Variants in PM20D2 observed in about 807,000 individuals in gnomAD.
PM20D2 encodes the protein peptidase M20 domain containing 2.
PM20D2 carries 33 observed loss-of-function variants against 42.9 expected under a neutral mutation model. That is an observed-to-expected ratio of 0.77 (90% CI 0.58 to 1.03). The LOEUF (loss-of-function observed/expected upper bound fraction) is 1.03. PM20D2 is among the 50% of genes least tolerant of loss of function. PM20D2 has a pLI of 0.00. For missense variants in PM20D2, 548 were observed against 557.0 expected (o/e 0.98, Z 0.16); for synonymous variants, 250 against 228.2 (o/e 1.10, Z -0.86).
the PM20D2 span, among the ~76,000 whole-genome samples, chr6:89,104,154 T>C: frequency 6.6e-6 from 1 of 151,868 alleles, no homozygotes. Flanking sequence ...CATTTAAACA[T>C]TTTTAAAGTT....
chr6:89,116,966 G>A, the PM20D2 span, among the ~76,000 whole-genome samples: 1 of 151,112 alleles, frequency 6.6e-6, no homozygotes, highest in Non-Finnish European at 1.5e-5. Context: ...GTACTGCATA[G>A]GTAGAAAGGC....
intron 5 of PM20D2, among the ~76,000 whole-genome samples, chr6:89,159,991 G>T (rs574036883): frequency 6.6e-6 from 1 of 152,190 alleles, no homozygotes; most frequent in East Asian, 1.9e-4. Flanking sequence ...TGTGATTTTG[G>T]TATGATTTGT....
At chr6:89,140,761 A>G in the PM20D2 span, among the ~76,000 whole-genome samples, 978 of 152,284 alleles carry the variant, frequency 6.4e-3, 11 homozygotes, top group East Asian at 0.053. Flanking sequence ...AGAGCAGCTA[A>G]TCTCACTGCC....
chr6:89,102,592 A>T, the PM20D2 span, among the ~76,000 whole-genome samples: 4 of 152,224 alleles, frequency 2.6e-5, no homozygotes, highest in African/African-American at 9.6e-5. Context: ...AAATCCTAAC[A>T]TAGTAAAAGA....
chr6:89,158,350 A>G lies in PM20D2; in HGVS notation c.938A>G (p.Asp313Gly). Residue 313 changes from aspartate (D) to glycine (G), a missense_variant, in exon 5 of 7, where the codon GAT becomes GGT. Asp to Gly is a moderately conservative substitution (Grantham distance 94). Around this residue, in one of 3 missense-constraint regions of PM20D2, gnomAD observed 470 missense variants for 464.4 expected, o/e 1.01. Transcript: ENST00000275072. ...CTVEIKGGAHDYYNVLPNKSL... is the reference protein window; with the variant it reads ...CTVEIKGGAHGYYNVLPNKSL... ...GTGGAAATTAAAGGTGGAGCACATG[A>G]TTATTACAATGTTCTTCCCAATAAG... 1 of 1,596,742 alleles carries G rather than the reference A, an allele frequency of 6.3e-7. No individual in the cohort carries two copies. The highest frequency in any genetic ancestry group is 2.2e-5 in the East Asian group (1 of 44,658).
chr6:89,100,501 G>T, the PM20D2 span, among the ~76,000 whole-genome samples: 1 of 141,448 alleles, frequency 7.1e-6, no homozygotes, highest in Non-Finnish European at 1.5e-5. Flanking sequence ...ATAATTTTTT[G>T]TCCATGTCCA....
At chr6:89,126,732 C>A in the PM20D2 span, among the ~76,000 whole-genome samples, 1 of 150,106 alleles carries the variant, frequency 6.7e-6, no homozygotes, top group Non-Finnish European at 1.5e-5. Context: ...GAAACAATGA[C>A]CAGCCCAGTA....
intron 3 of PM20D2, 26 bp downstream of exon 3, chr6:89,153,211 A>G (rs1770914353): frequency 6.5e-7 from 1 of 1,536,152 alleles, no homozygotes; most frequent in African/African-American, 1.4e-5. Flanking sequence ...ACCTTCTATA[A>G]TAGATGGTGC....
chr6:89,108,620 G>A, the PM20D2 span, among the ~76,000 whole-genome samples: 1 of 152,124 alleles, frequency 6.6e-6, no homozygotes, highest in Admixed American at 6.5e-5. Context: ...CTTCTAGCTT[G>A]GACAAATGGA....
the PM20D2 span, among the ~76,000 whole-genome samples, chr6:89,111,669 T>G: frequency 6.6e-6 from 1 of 152,208 alleles, no homozygotes; most frequent in Non-Finnish European, 1.5e-5. Flanking sequence ...GGACCTGCAA[T>G]AAAACGTTGG....
At chr6:89,159,544 T>C (rs1771165018) in intron 5 of PM20D2, among the ~76,000 whole-genome samples, 1 of 152,128 alleles carries the variant, frequency 6.6e-6, no homozygotes, top group Non-Finnish European at 1.5e-5. Flanking sequence ...ACTGCTGAGA[T>C]AGTGGAAGTA....
chr6:89,131,939 A>G, the PM20D2 span, among the ~76,000 whole-genome samples: 1 of 152,158 alleles, frequency 6.6e-6, no homozygotes, highest in Admixed American at 6.5e-5. Context: ...TGCTGCTTTC[A>G]CAAACGCTGG....
At chr6:89,161,400 G>C (rs187852304) in intron 5 of PM20D2, among the ~76,000 whole-genome samples, 1 of 152,162 alleles carries the variant, frequency 6.6e-6, no homozygotes, top group Non-Finnish European at 1.5e-5. Flanking sequence ...TTATTTCATC[G>C]TCAGGTAGAG....
the PM20D2 span, chr6:89,107,229 C>T: frequency 6.2e-7 from 1 of 1,613,892 alleles, no homozygotes; most frequent in Non-Finnish European, 8.5e-7. Flanking sequence ...AGGGCCATAT[C>T]GACCAAACTC....
chr6:89,109,888 G>T, the PM20D2 span, among the ~76,000 whole-genome samples: 60 of 152,236 alleles, frequency 3.9e-4, no homozygotes, highest in African/African-American at 1.4e-3. Flanking sequence ...TCAGGAGATC[G>T]AGACCATCTT....
At chr6:89,148,884 A>G (rs570140343) in intron 1 of PM20D2, among the ~76,000 whole-genome samples, 1 of 152,346 alleles carries the variant, frequency 6.6e-6, no homozygotes, top group South Asian at 2.1e-4. Flanking sequence ...CTCGTAAAGT[A>G]CTTAAGAATA....
chr6:89,141,218 G>A (rs114045933), upstream of PM20D2, among the ~76,000 whole-genome samples: 1,160 of 152,074 alleles, frequency 7.6e-3, 17 homozygotes, highest in African/African-American at 0.026. Flanking sequence ...CTGTTAACCC[G>A]AGAAACTTCA....
the PM20D2 span, among the ~76,000 whole-genome samples, chr6:89,110,418 A>G: frequency 6.6e-6 from 1 of 152,176 alleles, no homozygotes; most frequent in Non-Finnish European, 1.5e-5. Context: ...CCCTATGTAA[A>G]TGAAGACTTG....
At chr6:89,152,094 A>C (rs74549188) in intron 2 of PM20D2, among the ~76,000 whole-genome samples, 1 of 127,548 alleles carries the variant, frequency 7.8e-6, no homozygotes, top group South Asian at 2.3e-4. Context: ...GATGAGTACC[A>C]AAAAAAAAAA....
Sources: gnomAD v4.1 joint callset for allele counts (sites outside exome capture counted in the v4.1 genomes callset) on GRCh38, gnomAD v4.1.1 for gene constraint, gnomAD v4.1.1 regional missense constraint, MANE v1.5 for transcripts, NCBI Gene and HGNC (gene_info 2026-07-23, HGNC 2026-07-21) for gene names.